The following MPRIP variants were observed in gnomAD, a reference collection of about 807,000 sequenced individuals.
The protein encoded by MPRIP is myosin phosphatase Rho-interacting protein.
Under a neutral mutation model 234.9 loss-of-function variants are expected in MPRIP, and 59 were observed. The ratio of observed to expected loss-of-function variants is 0.25; its 90% confidence interval spans 0.20 to 0.31. MPRIP has a LOEUF of 0.31. Ranked by LOEUF, MPRIP falls within the 10% of genes least tolerant of loss-of-function variation. MPRIP has a pLI of 1.00. For synonymous variants in MPRIP, 1,144 were observed against 1,263.9 expected (o/e 0.91, Z 2.01); for missense variants, 2,436 against 3,071.0 (o/e 0.79, Z 4.89).
At chr17:17,089,416 G>C (rs1312008368) in intron 3 of MPRIP, among the ~76,000 whole-genome samples, 2 of 152,102 alleles carry the variant, frequency 1.3e-5, no homozygotes, top group East Asian at 1.9e-4. Flanking sequence ...TATCCTCTTT[G>C]TCACATTTTC....
At chr17:17,175,439 GA>G in intron 20 of MPRIP, 27 bp downstream of exon 20, 1 of 1,578,422 alleles carries the variant, frequency 6.3e-7, no homozygotes, top group African/African-American at 1.3e-5. Context: ...GGCCCTGCCT[GA>G]CTCAGCTCTG....
intron 9 of MPRIP, among the ~76,000 whole-genome samples, 190 bp from the exon 10 acceptor site, chr17:17,145,846 C>T (rs777920071): frequency 1.3e-5 from 2 of 152,218 alleles, no homozygotes; most frequent in East Asian, 1.9e-4. Flanking sequence ...TCCTCAAGGT[C>T]GCGTGTGCCT....
intron 1 of MPRIP, among the ~76,000 whole-genome samples, chr17:17,050,864 C>T (rs752779770): frequency 1.2e-4 from 19 of 152,236 alleles, no homozygotes; most frequent in Admixed American, 5.9e-4. Flanking sequence ...GCGTATCCCC[C>T]TCTAAACTGG....
rs759982231 is a variant in MPRIP at position 17,165,859 on chromosome 17, C to T, written c.4268C>T (p.Ala1423Val). Residue 1423 changes from alanine (A) to valine (V), a missense_variant, in exon 16 of 24, where the codon GCG becomes GTG. By Grantham distance (64) the Ala-to-Val change is moderately conservative. This residue lies in a region of MPRIP where 1,998 missense variants were observed against 2,520.3 expected (regional missense o/e 0.79). Coordinates refer to ENST00000651222, the MANE Select transcript of MPRIP (RefSeq NM_001364716.4). ...EALLALHHQW[A>V]GTEAQLREQL... ...CTGCTCGCACTGCACCACCAGTGGG[C>T]GGGCACCGAGGCCCAGCTGCGTGAG... 2.5e-5 allele frequency: 32 copies of T among 1,304,008 alleles called. No homozygotes were observed. Among genetic ancestry groups the T allele is most frequent in the South Asian group, 1.2e-4 (10 of 81,026 alleles). 80.8% of individuals were successfully genotyped at this position (1,304,008 alleles called of 1,614,324 possible). A position where few individuals can be genotyped will look rare whatever the true frequency, so the allele number is the denominator to read the frequency against.
rs779937244 is a variant in MPRIP, at chr17:17,174,057, G to T, written c.6732G>T (p.Glu2244Asp). The change falls in exon 19 of 24, where the codon GAG (glutamate) becomes GAT (aspartate). Residue 2244 changes from glutamate (E) to aspartate (D), a missense_variant. Transcript: ENST00000651222. Reference sequence around the variant, plus strand: ...GGCAGTGCCAGCGTGAGAACCAGGAGCTCAATGCCCACAACCAGGTGAGCC... The same window carrying T: ...GGCAGTGCCAGCGTGAGAACCAGGATCTCAATGCCCACAACCAGGTGAGCC... ...ALRQCQRENQ[E>D]LNAHNQELNN... 9 of 1,613,378 alleles carry T rather than the reference G, an allele frequency of 5.6e-6. No individual in the cohort carries two copies. The Middle Eastern group carries it at 4.9e-4, about 89-fold the overall frequency.
At chr17:17,076,038 G>T in intron 2 of MPRIP, 1 of 472,552 alleles carries the variant, frequency 2.1e-6, no homozygotes, top group Non-Finnish European at 3.8e-6. Context: ...GGGTCAGGTT[G>T]ACTCTAGGAA....
intron 1 of MPRIP, among the ~76,000 whole-genome samples, chr17:17,063,720 C>G (rs1038783226): frequency 2.6e-5 from 4 of 152,192 alleles, no homozygotes; most frequent in Admixed American, 6.5e-5. Flanking sequence ...ATCTTGTCAC[C>G]GACTGTTCCC....
At position 17,165,180 on chromosome 17, in the gene MPRIP, G is replaced by C; in HGVS notation, c.3589G>C (p.Ala1197Pro). ...DLNEALVKMV[A>P]LGSSLEETEI... is the part of the protein sequence containing the mutation. ...CAATGAGGCTTTGGTTAAAATGGTT[G>C]CCTTGGGGAGCAGCTTAGAGGAAAC... The change falls in exon 16 of 24, where the codon GCC becomes CCC. Residue 1197 changes from alanine (A) to proline (P), a missense_variant. This residue lies in a region of MPRIP where 1,998 missense variants were observed against 2,520.3 expected (regional missense o/e 0.79). Transcript: ENST00000651222. 7.7e-7 allele frequency: 1 copy of C among 1,304,204 alleles called. No homozygotes were observed. The highest frequency in any genetic ancestry group is 1.0e-6 in the Non-Finnish European group (1 of 988,964). The allele number at this position is 1,304,204 out of a possible 1,614,324, so 80.8% of individuals were successfully genotyped here.
intron 3 of MPRIP, among the ~76,000 whole-genome samples, chr17:17,099,734 T>A (rs574291081): frequency 4.6e-5 from 7 of 151,934 alleles, no homozygotes; most frequent in South Asian, 2.1e-4. Context: ...ATCTCTTTTT[T>A]AAAAAAAATG....
chr17:17,055,227 T>C (rs954427980), intron 1 of MPRIP, among the ~76,000 whole-genome samples: 1 of 152,028 alleles, frequency 6.6e-6, no homozygotes, highest in African/African-American at 2.4e-5. Flanking sequence ...TTGATGGGTG[T>C]ATGAGTTGCC....
At chr17:17,077,064 C>G (rs1418189757) in intron 2 of MPRIP, 1 of 151,038 alleles carries the variant, frequency 6.6e-6, no homozygotes, top group Admixed American at 6.6e-5. Context: ...ACCTCAGCCT[C>G]CTGAGTAGCT....
At position 17,165,223 on chromosome 17, in the gene MPRIP, C is replaced by A. The variant is rs1410124958; in HGVS notation, c.3632C>A (p.Ala1211Glu). The A allele has an allele frequency of 1.5e-6, 2 of 1,304,022 alleles. No homozygotes were observed. The highest frequency in any genetic ancestry group is 4.6e-5 in the Admixed American group (2 of 43,566). 80.8% of individuals were successfully genotyped at this position (1,304,022 alleles called of 1,614,324 possible). Residue 1211 changes from alanine to glutamate, a missense_variant, in exon 16 of 24, where the codon GCA becomes GAA. By Grantham distance (107) the Ala-to-Glu change is moderately radical. Coordinates refer to ENST00000651222, the MANE Select transcript of MPRIP (RefSeq NM_001364716.4). Reference sequence around the variant, plus strand: ...GAGGAAACAGAAATTAAGCTCCAGGCAAAAGAAGAGATTTTAAGGAAATTT... The same window carrying A: ...GAGGAAACAGAAATTAAGCTCCAGGAAAAAGAAGAGATTTTAAGGAAATTT... ...SLEETEIKLQ[A>E]KEEILRKFAS...
At chr17:17,048,474 T>TC (rs547870685) in intron 1 of MPRIP, among the ~76,000 whole-genome samples, 100 of 151,950 alleles carry the variant, frequency 6.6e-4, no homozygotes, top group East Asian at 5.8e-4. Flanking sequence ...AGATTTCGCA[T>TC]CCCCCCCTTG....
At chr17:17,097,327 T>C (rs552751365) in intron 3 of MPRIP, 1 of 153,364 alleles carries the variant, frequency 6.5e-6, no homozygotes, top group Admixed American at 6.4e-5. Context: ...AAACCAGTTA[T>C]TTTTAATAAG....
At chr17:17,059,401 C>T (rs2088804533) in intron 1 of MPRIP, among the ~76,000 whole-genome samples, 1 of 152,206 alleles carries the variant, frequency 6.6e-6, no homozygotes, top group Admixed American at 6.5e-5. Context: ...GGACTCCCAC[C>T]TTTGCAGACC....
rs763845030 is a variant in MPRIP at position 17,137,939 on chromosome 17, C to T, written c.760C>T (p.Arg254Cys). ...AGAGGAGAGCGCCATGAGTAGCGAC[C>T]GCATGGACTGTGGCCGCAAAGTCCG... Reference protein sequence around the residue: ...KEEESAMSSDRMDCGRKVRVE... With the variant: ...KEEESAMSSDCMDCGRKVRVE... The change falls in exon 7 of 24, where the codon CGC (arginine) becomes TGC (cysteine). Residue 254 changes from arginine to cysteine, a missense_variant. Physicochemically the swap from Arg to Cys is radical, Grantham distance 180. Transcript: ENST00000651222. The T allele has an allele frequency of 2.9e-5, 47 of 1,611,004 alleles. No individual in the cohort carries two copies. The Middle Eastern group carries it at 1.2e-3, about 41-fold the overall frequency.
chr17:17,147,793 C>G (rs1732509141), intron 11 of MPRIP, among the ~76,000 whole-genome samples: 2 of 152,224 alleles, frequency 1.3e-5, no homozygotes, highest in African/African-American at 4.8e-5. Context: ...AAGAATTGAA[C>G]TACATCTTGT....
chr17:17,162,793 C>T (rs2045901576), intron 15 of MPRIP, among the ~76,000 whole-genome samples: 1 of 152,202 alleles, frequency 6.6e-6, no homozygotes. Context: ...TGGAGCATTT[C>T]AGATTTTGGA....
At chr17:17,136,615 A>G (rs1012943297) in intron 6 of MPRIP, among the ~76,000 whole-genome samples, 165 bp downstream of exon 6, 4 of 152,310 alleles carry the variant, frequency 2.6e-5, no homozygotes, top group Admixed American at 2.6e-4. Context: ...GTATGTTCTG[A>G]GATTCCCGGG....
Sources: gnomAD v4.1 joint callset for allele counts (sites outside exome capture counted in the v4.1 genomes callset) on GRCh38, gnomAD v4.1.1 for gene constraint, gnomAD v4.1.1 regional missense constraint, MANE v1.5 for transcripts, NCBI Gene and HGNC (gene_info 2026-07-23, HGNC 2026-07-21) for gene names.